Variants in FGFRL1 observed in about 807,000 individuals in gnomAD.
FGFRL1 encodes the protein fibroblast growth factor receptor like 1, also known as fibroblast growth factor receptor-like 1.
In FGFRL1, 24 loss-of-function variants were observed where a neutral mutation model predicts 36.8. The ratio of observed to expected loss-of-function variants is 0.65; its 90% CI spans 0.47 to 0.92. The LOEUF (loss-of-function observed/expected upper bound fraction) is 0.92. Among genes scored for constraint, FGFRL1 ranks in the 40% least tolerant of loss-of-function variants. The pLI, the probability that FGFRL1 is intolerant of heterozygous loss-of-function variation, is 0.00. For synonymous variants in FGFRL1, 422 were observed against 344.1 expected (o/e 1.23, Z -2.50); for missense variants, 785 against 753.4 (o/e 1.04, Z -0.49).
At chr4:1,017,668 G>GA (rs1715961582) in intron 2 of FGFRL1, among the ~76,000 whole-genome samples, 1 of 152,178 alleles carries the variant, frequency 6.6e-6, no homozygotes, top group Non-Finnish European at 1.5e-5. Context: ...CCAGTGTCCT[G>GA]GTCCTAGCTC....
At chr4:1,016,637 T>C (rs1715900555) in intron 2 of FGFRL1, among the ~76,000 whole-genome samples, 1 of 152,110 alleles carries the variant, frequency 6.6e-6, no homozygotes, top group Admixed American at 6.5e-5. Flanking sequence ...GGTAGCCACC[T>C]GTGCTGCAGG....
In FGFRL1 at chr4:1,011,782, C is replaced by T. The variant is rs1323181219; in HGVS notation, c.-189C>T. On this transcript the variant is annotated 5_prime_UTR_variant, in exon 1 of 7. Transcript: ENST00000510644. ...ACCCCGCGCCCCGAGCGCCCGAGCCCGGACCCCGACCCGGCCCGAGCCGCC... is the reference window on the plus strand; with the variant it reads ...ACCCCGCGCCCCGAGCGCCCGAGCCTGGACCCCGACCCGGCCCGAGCCGCC... 4 of 142,200 alleles carry T rather than the reference C, an allele frequency of 2.8e-5. No homozygotes were observed. The highest frequency in any genetic ancestry group is 6.2e-5 in the Non-Finnish European group (4 of 64,138). 8.8% of individuals were successfully genotyped at this position (142,200 alleles called of 1,614,324 possible).
intron 2 of FGFRL1, among the ~76,000 whole-genome samples, chr4:1,016,850 C>T (rs1359731539): frequency 6.6e-6 from 1 of 152,134 alleles, no homozygotes; most frequent in Admixed American, 6.5e-5. Context: ...TGGGGGCGGC[C>T]ACTCTTGCAC....
rs928866558 is a variant in FGFRL1, at chr4:1,026,431, T to TGTCCCCGCCTCA, written c.*1096_*1107dup. Reference sequence around the variant, plus strand: ...TCACTCCCCCAACTCTGCCCGCCTCTGTCCCCGCCTCAGTCCCCGCCTCCA... The same window carrying TGTCCCCGCCTCA: ...TCACTCCCCCAACTCTGCCCGCCTCTGTCCCCGCCTCAGTCCCCGCCTCAGTCCCCGCCTCCA... On this transcript the variant is annotated 3_prime_UTR_variant, in exon 7 of 7. Transcript: ENST00000510644. 1.3e-5 allele frequency: 2 copies of TGTCCCCGCCTCA among 158,352 alleles called. No individual in the cohort carries two copies. The highest frequency in any genetic ancestry group is 6.5e-5 in the Admixed American group (1 of 15,336). 9.8% of individuals were successfully genotyped at this position (158,352 alleles called of 1,614,324 possible). A position where few individuals can be genotyped will look rare whatever the true frequency, so the allele number is the denominator to read the frequency against.
In FGFRL1 at chr4:1,025,762, GCACACACGTGCAGATATGGTATCCGGA is replaced by G. The variant is rs35896028; in HGVS notation, c.*428_*454del. On this transcript the variant is annotated 3_prime_UTR_variant, in exon 7 of 7. Transcript: ENST00000510644. ...ACACACACGGATATGCTGTCTGGAC[GCACACACGTGCAGATATGGTATCCGGA>G]CACACACGTGCACAGATATGCTGCC... is the stretch of plus-strand genomic sequence containing the variant. 0.015 allele frequency: 4,058 copies of G among 262,452 alleles called. 164 individuals carry two copies. The highest frequency in any genetic ancestry group is 0.082 in the African/African-American group (3,600 of 43,998). The allele number at this position is 262,452 out of a possible 1,614,324, so 16.3% of individuals were successfully genotyped here.
rs1715597918 is a variant in FGFRL1, at chr4:1,011,819, A to G, written c.-152A>G. 7.3e-6 allele frequency: 1 copy of G among 137,088 alleles called. No homozygotes were observed. Among genetic ancestry groups the G allele is most frequent in the Non-Finnish European group, 1.6e-5 (1 of 63,382 alleles). The allele number at this position is 137,088 out of a possible 1,614,324, so 8.5% of individuals were successfully genotyped here. On this transcript the variant is annotated 5_prime_UTR_variant, in exon 1 of 7. Coordinates refer to ENST00000510644, the MANE Select transcript of FGFRL1 (RefSeq NM_001004356.3). Reference sequence around the variant, plus strand: ...CGGCCCGAGCCGCCCGCGCCCAGGTAGCGCCGCCCCGCCCCGAGACCGGGC... The same window carrying G: ...CGGCCCGAGCCGCCCGCGCCCAGGTGGCGCCGCCCCGCCCCGAGACCGGGC...
chr4:1,012,815 G>C (rs891802695), intron 2 of FGFRL1, among the ~76,000 whole-genome samples: 120 of 152,344 alleles, frequency 7.9e-4, no homozygotes, highest in Non-Finnish European at 1.0e-4. Context: ...CTTTAGTCCT[G>C]GCTCCCCAGG....
At chr4:1,012,238 C>T (rs545021273) in intron 1 of FGFRL1, 26 of 477,114 alleles carry the variant, frequency 5.4e-5, no homozygotes, top group Middle Eastern at 5.4e-4. Flanking sequence ...CGCCAGGAAT[C>T]CAGACGGTGT....
At position 1,025,015 on chromosome 4, in the gene FGFRL1, C is replaced by G. The variant is rs745613727; in HGVS notation, c.1183C>G (p.Leu395Val). 3.1e-6 allele frequency: 5 copies of G among 1,611,176 alleles called. No homozygotes were observed. The East Asian group carries it at 8.9e-5, about 29-fold the overall frequency. The part of the protein sequence containing the change: ...AGAVFILGTL[L>V]LWLCQAQKKP... Reference sequence around the variant, plus strand: ...CGCTGTCTTCATCCTGGGCACCCTGCTCCTGTGGCTTTGCCAGGCCCAGAA... The same window carrying G: ...CGCTGTCTTCATCCTGGGCACCCTGGTCCTGTGGCTTTGCCAGGCCCAGAA... Residue 395 changes from leucine to valine, a missense_variant, in exon 7 of 7, where the codon CTC becomes GTC. By Grantham distance (32) the Leu-to-Val change is conservative. Coordinates refer to ENST00000510644, the MANE Select transcript of FGFRL1 (RefSeq NM_001004356.3).
chr4:1,012,166 C>G (rs902604738), intron 1 of FGFRL1: 4 of 243,786 alleles, frequency 1.6e-5, no homozygotes, highest in African/African-American at 9.1e-5. Context: ...GCTAATGGCG[C>G]AGGCGATTAT....
At chr4:1,013,488 TG>T (rs1330737264) in intron 2 of FGFRL1, among the ~76,000 whole-genome samples, 1 of 152,186 alleles carries the variant, frequency 6.6e-6, no homozygotes, top group African/African-American at 2.4e-5. Context: ...GTTCGGGTGC[TG>T]GGTGGCGGGC....
rs1064839 is a variant in FGFRL1, at chr4:1,025,909, C to G, written c.*562C>G. ...TGTGCACAGATATGCTGTCTGGACA[C>G]GCACACACATGCAGATATGCTGCCT... On this transcript the variant is annotated 3_prime_UTR_variant, in exon 7 of 7. Coordinates refer to ENST00000510644, the MANE Select transcript of FGFRL1 (RefSeq NM_001004356.3). 31,661 of 163,790 alleles carry G rather than the reference C, an allele frequency of 0.19. 3,817 individuals carry two copies. The highest frequency in any genetic ancestry group is 0.32 in the Middle Eastern group (113 of 352). The allele number at this position is 163,790 out of a possible 1,614,324, so 10.1% of individuals were successfully genotyped here.
chr4:1,015,115 G>T (rs547108555), intron 2 of FGFRL1, among the ~76,000 whole-genome samples: 3 of 152,174 alleles, frequency 2.0e-5, no homozygotes, highest in Non-Finnish European at 4.4e-5. Flanking sequence ...TGGGAGAGGC[G>T]GGCTGTGCCC....
At chr4:1,010,846 G>T (rs1158490699), upstream of FGFRL1, 1 of 152,256 alleles carries the variant, frequency 6.6e-6, no homozygotes, top group African/African-American at 2.4e-5. Context: ...TCCTGGGGCC[G>T]CCTGCCCGGT....
intron 2 of FGFRL1, among the ~76,000 whole-genome samples, chr4:1,016,957 T>A (rs547111825): frequency 3.3e-5 from 5 of 152,220 alleles, no homozygotes; most frequent in South Asian, 2.1e-4. Flanking sequence ...CACAGCCACA[T>A]AGCGGCCATC....
At position 1,025,270 on chromosome 4, in the gene FGFRL1, A is replaced by G. The variant is rs778839265; in HGVS notation, c.1438A>G (p.Thr480Ala). ...LYPKLYTDIH[T>A]HTHTHSHTHS... ...CCCCAAACTCTACACAGACATCCACACACACACACACACACACTCTCACAC... is the reference window on the plus strand; with the variant it reads ...CCCCAAACTCTACACAGACATCCACGCACACACACACACACACTCTCACAC... Residue 480 changes from threonine to alanine, a missense_variant, in exon 7 of 7, where the codon ACA becomes GCA. Coordinates refer to ENST00000510644, the MANE Select transcript of FGFRL1 (RefSeq NM_001004356.3). The G allele has an allele frequency of 7.4e-7, 1 of 1,352,990 alleles. No individual in the cohort carries two copies. Among genetic ancestry groups the G allele is most frequent in the East Asian group, 2.4e-5 (1 of 41,348 alleles). 83.8% of individuals were successfully genotyped at this position (1,352,990 alleles called of 1,614,324 possible).
Position 1,024,957 on chromosome 4 carries a change from G to A in FGFRL1, c.1125G>A (p.Leu375=). The A allele has an allele frequency of 6.2e-7, 1 of 1,607,730 alleles. No homozygotes were observed. Among genetic ancestry groups the A allele is most frequent in the Non-Finnish European group, 8.5e-7 (1 of 1,179,106 alleles). Residue 375 remains leucine, a synonymous_variant, in exon 7 of 7, where the codon CTG becomes CTA. Coordinates refer to ENST00000510644, the MANE Select transcript of FGFRL1 (RefSeq NM_001004356.3). The part of the protein sequence containing the change: ...PVASSSSATS[L]PWPVVIGIPA... ...CCTCCTCGTCCTCGGCCACTAGCCT[G>A]CCGTGGCCCGTGGTCATCGGCATCC...
rs1716560411 is a variant in FGFRL1, at chr4:1,026,740, T to C, written c.*1393T>C. 2.4e-6 allele frequency: 1 copy of C among 417,482 alleles called. No homozygotes were observed. The highest frequency in any genetic ancestry group is 4.8e-6 in the Non-Finnish European group (1 of 207,238). The allele number at this position is 417,482 out of a possible 1,614,324, so 25.9% of individuals were successfully genotyped here. ...TGGGGCCCGGGACCCGCCTGGTCTT[T>C]CAGCCATGCTGATGACCACACCCCG... is the stretch of plus-strand genomic sequence containing the variant. On this transcript the variant is annotated 3_prime_UTR_variant, in exon 7 of 7. Coordinates refer to ENST00000510644, the MANE Select transcript of FGFRL1 (RefSeq NM_001004356.3).
upstream of FGFRL1, among the ~76,000 whole-genome samples, chr4:1,011,529 C>T (rs1577551948): frequency 9.9e-5 from 10 of 101,410 alleles, no homozygotes; most frequent in South Asian, 3.4e-3. Flanking sequence ...AAAAGTTTGG[C>T]GGCGGGGCGG....
Sources: allele counts gnomAD v4.1 joint callset (sites outside exome capture counted in the v4.1 genomes callset), GRCh38; gene constraint gnomAD v4.1.1; transcripts MANE v1.5; gene names NCBI Gene and HGNC (gene_info 2026-07-23, HGNC 2026-07-21).